Variants in KCTD8 observed in about 807,000 individuals in gnomAD.
The protein encoded by KCTD8 is potassium channel tetramerization domain containing 8, also known as BTB/POZ domain-containing protein KCTD8.
A neutral mutation model predicts 31.5 loss-of-function variants in KCTD8; 27 were observed. The ratio of observed to expected loss-of-function variants is 0.86; its 90% confidence interval spans 0.63 to 1.18. The LOEUF (loss-of-function observed/expected upper bound fraction) is 1.18. Ranked by LOEUF, KCTD8 falls within the 50% of genes most tolerant of loss-of-function variation. KCTD8 has a pLI of 0.00. For synonymous variants in KCTD8, 290 were observed against 280.0 expected (o/e 1.04, Z -0.36); for missense variants, 658 against 647.7 (o/e 1.02, Z -0.17).
chr4:44,346,322 A>C (rs1017322433), intron 1 of KCTD8, among the ~76,000 whole-genome samples: 1 of 152,164 alleles, frequency 6.6e-6, no homozygotes, highest in African/African-American at 2.4e-5. Context: ...TATTGGGGAA[A>C]TATCATAGCA....
At chr4:44,385,306 A>G (rs746066421) in intron 1 of KCTD8, among the ~76,000 whole-genome samples, 6 of 151,660 alleles carry the variant, frequency 4.0e-5, no homozygotes, top group Non-Finnish European at 5.9e-5. Context: ...AAAACCTATT[A>G]CAGATCTACA....
At chr4:44,210,165 T>C (rs1471202949) in intron 1 of KCTD8, among the ~76,000 whole-genome samples, 1 of 152,146 alleles carries the variant, frequency 6.6e-6, no homozygotes, top group African/African-American at 2.4e-5. Flanking sequence ...CTCAACATAA[T>C]TTTTTTCCCT....
intron 1 of KCTD8, among the ~76,000 whole-genome samples, chr4:44,205,439 T>C (rs563983973): frequency 6.6e-6 from 1 of 152,350 alleles, no homozygotes; most frequent in East Asian, 1.9e-4. Context: ...ATATTTATAT[T>C]TCTACCTCAC....
intron 1 of KCTD8, among the ~76,000 whole-genome samples, chr4:44,266,157 C>T (rs1051887659): frequency 2.0e-5 from 3 of 152,128 alleles, no homozygotes; most frequent in African/African-American, 7.2e-5. Flanking sequence ...GGTTGGGTTA[C>T]CCACAAAGGG....
intron 1 of KCTD8, among the ~76,000 whole-genome samples, chr4:44,402,969 C>T (rs1208139999): frequency 6.6e-6 from 1 of 152,048 alleles, no homozygotes; most frequent in East Asian, 1.9e-4. Context: ...CCCTTGGCAC[C>T]CAGAACTAGG....
At chr4:44,228,550 T>C (rs1715029689) in intron 1 of KCTD8, among the ~76,000 whole-genome samples, 1 of 152,240 alleles carries the variant, frequency 6.6e-6, no homozygotes, top group Admixed American at 6.5e-5. Context: ...ACACAAGTTT[T>C]TCCTGCTTCA....
At chr4:44,194,145 C>G (rs1159513976) in intron 1 of KCTD8, among the ~76,000 whole-genome samples, 2 of 152,134 alleles carry the variant, frequency 1.3e-5, no homozygotes, top group Non-Finnish European at 2.9e-5. Flanking sequence ...ATATGCAGCA[C>G]ATGATCCAGA....
Position 44,214,587 on chromosome 4 carries a change from G to A in KCTD8, c.962-39337C>T, listed in dbSNP as rs188265027. Among the ~76,000 whole-genome samples, 53 of 152,106 alleles carry A rather than the reference G, an allele frequency of 3.5e-4. No homozygotes were observed. In the East Asian group the frequency reaches 8.9e-3, roughly 26 times the overall value. ...CGTAACCCAGAGATAAAATGAAACC[G>A]CCTTTGCAAAAATTATAACTGAGAA... On this transcript the variant is annotated intron_variant, in intron 1 of 1. Coordinates refer to ENST00000360029, the MANE Select transcript of KCTD8 (RefSeq NM_198353.3).
intron 1 of KCTD8, among the ~76,000 whole-genome samples, chr4:44,259,345 T>C (rs1385195502): frequency 6.6e-6 from 1 of 151,954 alleles, no homozygotes; most frequent in Non-Finnish European, 1.5e-5. Flanking sequence ...CCGGTTTCTC[T>C]TTTAAACGAA....
intron 1 of KCTD8, among the ~76,000 whole-genome samples, chr4:44,297,140 C>G (rs1454043301): frequency 1.3e-5 from 2 of 151,912 alleles, no homozygotes; most frequent in African/African-American, 4.8e-5. Flanking sequence ...TAAAGCCTGC[C>G]ACCACTGCAA....
rs796565307 is a variant in KCTD8, at chr4:44,216,893, A to ATT, written c.962-41645_962-41644dup. ...GTGACTCTATACACTTCAAAAGTTA[A>ATT]TTTTTTTTTTGTCAAAGGAGATGCA... On this transcript the variant is annotated intron_variant, in intron 1 of 1. Coordinates refer to ENST00000360029, the MANE Select transcript of KCTD8 (RefSeq NM_198353.3). Among the ~76,000 whole-genome samples the ATT allele has an allele frequency of 2.0e-5, 3 of 150,298 alleles. 1 individual carries two copies. The highest frequency in any genetic ancestry group is 7.3e-5 in the African/African-American group (3 of 40,954).
intron 1 of KCTD8, among the ~76,000 whole-genome samples, chr4:44,360,600 A>C (rs1676133160): frequency 6.6e-6 from 1 of 152,036 alleles, no homozygotes; most frequent in Non-Finnish European, 1.5e-5. Flanking sequence ...TTTTCAAACA[A>C]CCAGGAGCAT....
chr4:44,330,604 C>T (rs1718569499), intron 1 of KCTD8, among the ~76,000 whole-genome samples: 1 of 151,790 alleles, frequency 6.6e-6, no homozygotes, highest in Admixed American at 6.6e-5. Context: ...TCAAAGAGAC[C>T]TGGTAATAAA....
intron 1 of KCTD8, among the ~76,000 whole-genome samples, chr4:44,400,232 CCAA>C (rs1277018738): frequency 1.3e-5 from 2 of 152,016 alleles, no homozygotes; most frequent in African/African-American, 2.4e-5. Flanking sequence ...TATTGCCTAC[CCAA>C]CAACAACTGC....
At chr4:44,204,406 C>T (rs1714242573) in intron 1 of KCTD8, among the ~76,000 whole-genome samples, 1 of 152,156 alleles carries the variant, frequency 6.6e-6, no homozygotes, top group Non-Finnish European at 1.5e-5. Flanking sequence ...GTTATGTTAT[C>T]TATAGATTAC....
intron 1 of KCTD8, among the ~76,000 whole-genome samples, chr4:44,403,121 T>A (rs1720704667): frequency 6.6e-6 from 1 of 152,130 alleles, no homozygotes; most frequent in African/African-American, 2.4e-5. Context: ...TGAAGATATA[T>A]CTTGTCAAGC....
rs1722024405 is a variant in KCTD8, at chr4:44,448,652, G to C, written c.-129C>G. The C allele has an allele frequency of 2.9e-6, 3 of 1,044,770 alleles. No homozygotes were observed. Among genetic ancestry groups the C allele is most frequent in the Non-Finnish European group, 2.5e-6 (2 of 811,364 alleles). 64.7% of individuals were successfully genotyped at this position (1,044,770 alleles called of 1,614,324 possible). A position where few individuals can be genotyped will look rare whatever the true frequency, so the allele number is the denominator to read the frequency against. ...ACTGGGCGGCGCGTTCCTCCGACCG[G>C]GGCGGCCCCGCTCAGGGTTCGGGGC... is the stretch of plus-strand genomic sequence containing the variant. On this transcript the variant is annotated 5_prime_UTR_variant, in exon 1 of 2. Transcript: ENST00000360029. This position sits in a 1 kb window ranked among gnomAD's most constrained non-coding sequence, Gnocchi z 4.1.
At chr4:44,269,846 A>C (rs941932977) in intron 1 of KCTD8, among the ~76,000 whole-genome samples, 33 of 152,300 alleles carry the variant, frequency 2.2e-4, no homozygotes, top group African/African-American at 7.9e-4. Flanking sequence ...ATGAGATACC[A>C]TCTCACACCA....
chr4:44,293,026 T>A (rs1246150233), intron 1 of KCTD8, among the ~76,000 whole-genome samples: 1 of 152,118 alleles, frequency 6.6e-6, no homozygotes, highest in Non-Finnish European at 1.5e-5. Context: ...GATAAGGGCT[T>A]GTAGATAATT....
Sources: gnomAD v4.1 joint callset for allele counts (sites outside exome capture counted in the v4.1 genomes callset) on GRCh38, gnomAD v4.1.1 for gene constraint, Gnocchi (gnomAD v3.1) non-coding constraint, MANE v1.5 for transcripts, NCBI Gene and HGNC (gene_info 2026-07-23, HGNC 2026-07-21) for gene names.